Variants in EYS observed in about 807,000 individuals in gnomAD.
EYS encodes the protein EGF-like photoreceptor maintenance factor.
EYS carries 250 observed loss-of-function variants against 282.1 expected under a neutral mutation model. That is an observed-to-expected ratio of 0.89 (90% CI 0.80 to 0.98). EYS has a LOEUF of 0.98. Among genes scored for constraint, EYS ranks in the 50% least tolerant of loss-of-function variants. The pLI is 0.00. For missense variants in EYS, 4,016 were observed against 3,709.0 expected (o/e 1.08, Z -2.15); for synonymous variants, 1,355 against 1,282.9 (o/e 1.06, Z -1.20).
chr6:64,803,481 C>A (rs1186538512), intron 22 of EYS, among the ~76,000 whole-genome samples: 1 of 152,140 alleles, frequency 6.6e-6, no homozygotes, highest in African/African-American at 2.4e-5. Context: ...CCAAAGTAGA[C>A]TCCACCTGGA....
At chr6:64,293,699 T>C (rs1281288732) in intron 30 of EYS, among the ~76,000 whole-genome samples, 6 of 152,164 alleles carry the variant, frequency 3.9e-5, no homozygotes, top group Non-Finnish European at 8.8e-5. Context: ...ATTATCCATA[T>C]TGATGCATAG....
At chr6:64,076,820 C>G (rs1771787542) in intron 32 of EYS, among the ~76,000 whole-genome samples, 1 of 151,926 alleles carries the variant, frequency 6.6e-6, no homozygotes, top group Non-Finnish European at 1.5e-5. Context: ...GATGTAAGCA[C>G]AGACTCCTGG....
Position 63,806,242 on chromosome 6 carries a change from GTTGT to G in EYS, c.7355_7358del (p.Asn2452ThrfsTer9). On this transcript the variant is annotated frameshift_variant, in exon 37 of 43. Coordinates refer to ENST00000503581, the MANE Select transcript of EYS (RefSeq NM_001142800.2). LOFTEE classifies it high-confidence loss of function. ...TCAAGTTATTTTGCAGTGCTGAGTGGTTGTTTGCCAGCTGAAACTTCAGGTGGAA... is the reference window on the plus strand; with the variant it reads ...TCAAGTTATTTTGCAGTGCTGAGTGGTTGCCAGCTGAAACTTCAGGTGGAA... 1 of 1,551,586 alleles carries G rather than the reference GTTGT, an allele frequency of 6.4e-7. No individual in the cohort carries two copies. The highest frequency in any genetic ancestry group is 8.7e-7 in the Non-Finnish European group (1 of 1,146,910).
rs528218906 is a variant in EYS at position 64,085,021 on chromosome 6, G to GTT, written c.6425-3021_6425-3020dup. ...ACTCTGTCTCTGTTTTTCTTCTGTTGTTTTTTTTGAGACAGAGTCTTGTTC... is the reference window on the plus strand; with the variant it reads ...ACTCTGTCTCTGTTTTTCTTCTGTTGTTTTTTTTTTGAGACAGAGTCTTGTTC... On this transcript the variant is annotated intron_variant, in intron 31 of 42. Transcript: ENST00000503581. Among the ~76,000 whole-genome samples the GTT allele has an allele frequency of 4.0e-3, 601 of 151,798 alleles. 2 individuals carry two copies. The highest frequency in any genetic ancestry group is 0.014 in the African/African-American group (571 of 41,428).
At chr6:64,890,285 C>G (rs1389070411) in intron 18 of EYS, among the ~76,000 whole-genome samples, 1 of 152,130 alleles carries the variant, frequency 6.6e-6, no homozygotes, top group Non-Finnish European at 1.5e-5. Context: ...CGCCCTGCCT[C>G]CATTTGCCTT....
chr6:64,553,450 G>T lies in EYS; in HGVS notation c.5644+36773C>A, dbSNP rs987292846. Among the ~76,000 whole-genome samples the T allele has an allele frequency of 2.0e-5, 3 of 150,592 alleles. No individual in the cohort carries two copies. In the Admixed American group the frequency reaches 2.0e-4, roughly 10 times the overall value. ...GAAGGCCCATCCTTTATACTCCACA[G>T]GCTTGTAGCACATTTATATCTGAGA... On this transcript the variant is annotated intron_variant, in intron 26 of 42. Coordinates refer to ENST00000503581, the MANE Select transcript of EYS (RefSeq NM_001142800.2).
chr6:64,702,039 T>A (rs963589474), intron 22 of EYS, among the ~76,000 whole-genome samples: 1 of 151,622 alleles, frequency 6.6e-6, no homozygotes, highest in Admixed American at 6.6e-5. Context: ...AAATGCCTTT[T>A]TTTTTCTCAT....
intron 13 of EYS, among the ~76,000 whole-genome samples, chr6:65,001,620 G>T (rs1030808071): frequency 2.0e-5 from 3 of 146,992 alleles, no homozygotes; most frequent in Non-Finnish European, 3.0e-5. Context: ...GGGTATCCAG[G>T]CTTGAGGATG....
chr6:63,959,975 T>C (rs568956496), intron 35 of EYS, among the ~76,000 whole-genome samples: 73 of 151,628 alleles, frequency 4.8e-4, no homozygotes, highest in African/African-American at 1.6e-3. Flanking sequence ...TGTATACCTA[T>C]GTAACAAACC....
intron 31 of EYS, among the ~76,000 whole-genome samples, chr6:64,108,382 A>G (rs984979540): frequency 1.3e-5 from 2 of 151,940 alleles, no homozygotes; most frequent in African/African-American, 4.8e-5. Context: ...TTGTGACATT[A>G]CTTCTCTGAT....
At chr6:65,394,144 T>C (rs1156925964) in intron 7 of EYS, among the ~76,000 whole-genome samples, 2 of 152,116 alleles carry the variant, frequency 1.3e-5, no homozygotes, top group Non-Finnish European at 2.9e-5. Context: ...CATTTTACTC[T>C]AAATAGTAAA....
intron 33 of EYS, among the ~76,000 whole-genome samples, chr6:64,021,294 A>G (rs1363756624): frequency 6.6e-6 from 1 of 152,024 alleles, no homozygotes; most frequent in Non-Finnish European, 1.5e-5. Flanking sequence ...GCCACACATG[A>G]TCTATCTCAA....
At chr6:64,335,575 T>G (rs1770820196) in intron 29 of EYS, among the ~76,000 whole-genome samples, 1 of 152,134 alleles carries the variant, frequency 6.6e-6, no homozygotes, top group Admixed American at 6.6e-5. Context: ...GGGCTCAGAC[T>G]TTCTGGACGT....
At chr6:65,310,331 G>A (rs1166128154) in intron 11 of EYS, among the ~76,000 whole-genome samples, 1 of 152,058 alleles carries the variant, frequency 6.6e-6, no homozygotes, top group Non-Finnish European at 1.5e-5. Flanking sequence ...GTGATGGAGT[G>A]AGACTCTGTC....
At chr6:64,165,503 G>A (rs1392375885) in intron 31 of EYS, among the ~76,000 whole-genome samples, 1 of 152,000 alleles carries the variant, frequency 6.6e-6, no homozygotes, top group Admixed American at 6.6e-5. Flanking sequence ...TGTGCAGGTG[G>A]TTTAGAATTT....
At chr6:64,576,958 A>G (rs1191689324) in intron 26 of EYS, among the ~76,000 whole-genome samples, 10 of 152,122 alleles carry the variant, frequency 6.6e-5, no homozygotes, top group African/African-American at 2.4e-4. Context: ...GACTGAATCC[A>G]TTATGACTGG....
At chr6:64,748,323 C>T (rs929246980) in intron 22 of EYS, among the ~76,000 whole-genome samples, 3 of 152,192 alleles carry the variant, frequency 2.0e-5, no homozygotes, top group Admixed American at 6.5e-5. Context: ...TTGGCACCAG[C>T]GACCAGCTTC....
chr6:63,791,577 CAAAAA>C (rs889736940), intron 37 of EYS, among the ~76,000 whole-genome samples: 2 of 52,718 alleles, frequency 3.8e-5, no homozygotes, highest in Non-Finnish European at 3.9e-5. Context: ...GACTCCCTCT[CAAAAA>C]AAAAAAAAAA....
At chr6:64,135,621 A>G (rs1486304516) in intron 31 of EYS, among the ~76,000 whole-genome samples, 20 of 152,160 alleles carry the variant, frequency 1.3e-4, no homozygotes, top group Non-Finnish European at 1.5e-5. Flanking sequence ...CTTCAGACAC[A>G]TTGTAGGTTC....
Sources: allele counts gnomAD v4.1 joint callset (sites outside exome capture counted in the v4.1 genomes callset), GRCh38; gene constraint gnomAD v4.1.1; transcripts MANE v1.5; gene names NCBI Gene and HGNC (gene_info 2026-07-23, HGNC 2026-07-21).